KLHL24: variants seen among roughly 807,000 people sequenced by gnomAD.
The protein encoded by KLHL24 is kelch like family member 24, also known as kelch-like protein 24.
In KLHL24, 29 loss-of-function variants were observed where a neutral mutation model predicts 53.4. The ratio of observed to expected loss-of-function variants is 0.54; its 90% confidence interval spans 0.40 to 0.74. The LOEUF (loss-of-function observed/expected upper bound fraction) is 0.74. KLHL24 is among the 30% of genes least tolerant of loss of function. KLHL24 has a pLI of 0.00. For missense variants in KLHL24, 504 were observed against 744.0 expected, an observed-to-expected ratio of 0.68 and a Z score of 3.75; for synonymous variants, 222 against 253.7, an observed-to-expected ratio of 0.88 and a Z score of 1.19.
Position 183,663,438 on chromosome 3 carries a change from G to T in KLHL24, c.921-20G>T, listed in dbSNP as rs781485610. ...TAATATTATTATATTATTTATGTAC[G>T]CTAATAATTATTATTTTAGGTCCAC... On this transcript the variant is annotated intron_variant, in intron 3 of 7. Coordinates refer to ENST00000242810, the MANE Select transcript of KLHL24 (RefSeq NM_017644.3). This position sits in a 1 kb window ranked among gnomAD's most constrained non-coding sequence, Gnocchi z 4.9. 19 of 1,281,742 alleles carry T rather than the reference G, an allele frequency of 1.5e-5. No individual in the cohort carries two copies. In the East Asian group the frequency reaches 4.9e-4, roughly 33 times the overall value. The allele number at this position is 1,281,742 out of a possible 1,614,324, so 79.4% of individuals were successfully genotyped here.
chr3:183,643,228 C>T (rs1331086275), intron 1 of KLHL24: 1 of 151,794 alleles, frequency 6.6e-6, no homozygotes, highest in African/African-American at 2.4e-5. Context: ...AAAACTCAGT[C>T]TCAAAAAACA....
rs1239685397 is a variant in KLHL24 at position 183,663,439 on chromosome 3, CTAA to C, written c.921-14_921-12del. On this transcript the variant is annotated splice_polypyrimidine_tract_variant and intron_variant, in intron 3 of 7. Coordinates refer to ENST00000242810, the MANE Select transcript of KLHL24 (RefSeq NM_017644.3). The surrounding 1 kb of genome is among the most constrained non-coding windows in gnomAD (Gnocchi z 4.9). ...AATATTATTATATTATTTATGTACGCTAATAATTATTATTTTAGGTCCACTGGC... is the reference window on the plus strand; with the variant it reads ...AATATTATTATATTATTTATGTACGCTAATTATTATTTTAGGTCCACTGGC... The C allele has an allele frequency of 5.4e-6, 7 of 1,306,774 alleles. No individual in the cohort carries two copies. The highest frequency in any genetic ancestry group is 7.2e-6 in the Non-Finnish European group (7 of 967,778). The allele number at this position is 1,306,774 out of a possible 1,614,324, so 80.9% of individuals were successfully genotyped here. A position where few individuals can be genotyped will look rare whatever the true frequency, so the allele number is the denominator to read the frequency against.
chr3:183,667,383 C>G (rs990917021), intron 5 of KLHL24, among the ~76,000 whole-genome samples: 2 of 152,214 alleles, frequency 1.3e-5, no homozygotes, highest in African/African-American at 4.8e-5. Flanking sequence ...AGTCAGCGTT[C>G]TGTTAGGAAT....
intron 1 of KLHL24, among the ~76,000 whole-genome samples, chr3:183,636,978 A>C (rs1270459116): frequency 6.6e-6 from 1 of 151,970 alleles, no homozygotes; most frequent in Non-Finnish European, 1.5e-5. Flanking sequence ...ACACCCTTTA[A>C]CTAGTGTCGC....
chr3:183,655,060 G>C (rs759937294), intron 3 of KLHL24, among the ~76,000 whole-genome samples: 2 of 152,166 alleles, frequency 1.3e-5, no homozygotes, highest in Non-Finnish European at 2.9e-5. Flanking sequence ...CTCTATATCA[G>C]CCAGTGTTCC....
chr3:183,645,769 G>A (rs1454398098), intron 2 of KLHL24, among the ~76,000 whole-genome samples: 1 of 152,156 alleles, frequency 6.6e-6, no homozygotes, highest in Admixed American at 6.5e-5. Context: ...AATCTAGCTT[G>A]TTTGGACCAT....
chr3:183,667,574 T>C (rs1487989070), intron 5 of KLHL24, among the ~76,000 whole-genome samples: 1 of 151,958 alleles, frequency 6.6e-6, no homozygotes, highest in Non-Finnish European at 1.5e-5. Flanking sequence ...AACAGTTACA[T>C]CCCCAAACCA....
chr3:183,655,435 G>A (rs1718710328), intron 3 of KLHL24, among the ~76,000 whole-genome samples: 1 of 151,964 alleles, frequency 6.6e-6, no homozygotes, highest in African/African-American at 2.4e-5. Context: ...AGACCAGTCT[G>A]GGCAACATAA....
intron 5 of KLHL24, among the ~76,000 whole-genome samples, chr3:183,669,522 A>T (rs1721055937): frequency 6.6e-6 from 1 of 152,162 alleles, no homozygotes; most frequent in Non-Finnish European, 1.5e-5. Context: ...TAAGTTACTT[A>T]ACCTGTCTGA....
intron 2 of KLHL24, among the ~76,000 whole-genome samples, chr3:183,646,471 G>C (rs1012635180): frequency 6.6e-5 from 10 of 151,376 alleles, no homozygotes; most frequent in Admixed American, 6.6e-5. Flanking sequence ...CCATTTGACT[G>C]ATAAAATTGC....
intron 4 of KLHL24, 78 bp from the exon 5 acceptor site, chr3:183,664,835 CTTTACCTA>C: frequency 3.2e-6 from 2 of 621,418 alleles, no homozygotes; most frequent in Non-Finnish European, 5.5e-6. Context: ...TCCATGTTTT[CTTTACCTA>C]TGCCTTGGTG....
At chr3:183,667,646 A>G (rs960663673) in intron 5 of KLHL24, among the ~76,000 whole-genome samples, 3 of 152,028 alleles carry the variant, frequency 2.0e-5, no homozygotes, top group African/African-American at 7.2e-5. Flanking sequence ...ATTGTCTTCC[A>G]TTAAACCGCT....
chr3:183,648,474 C>T (rs1717649658), intron 2 of KLHL24, among the ~76,000 whole-genome samples: 1 of 149,172 alleles, frequency 6.7e-6, no homozygotes, highest in Non-Finnish European at 1.5e-5. Flanking sequence ...ATTATATTAT[C>T]TGTGACATCC....
chr3:183,656,296 T>C (rs946559771), intron 3 of KLHL24, among the ~76,000 whole-genome samples: 3 of 152,156 alleles, frequency 2.0e-5, no homozygotes, highest in African/African-American at 7.2e-5. Context: ...CCCAAAGTGC[T>C]AGGATTACAG....
intron 2 of KLHL24, among the ~76,000 whole-genome samples, chr3:183,646,232 T>C (rs988468618): frequency 6.6e-6 from 1 of 151,720 alleles, no homozygotes. Flanking sequence ...CATGGTGGCA[T>C]GTGCCTGTAG....
rs1476639017 is a variant in KLHL24, at chr3:183,681,142, ATCC to A, written c.*1859_*1861del. The A allele has an allele frequency of 1.4e-4, 22 of 152,124 alleles. No homozygotes were observed. The highest frequency in any genetic ancestry group is 7.2e-4 in the Admixed American group (11 of 15,272). 9.4% of individuals were successfully genotyped at this position (152,124 alleles called of 1,614,324 possible). A position where few individuals can be genotyped will look rare whatever the true frequency, so the allele number is the denominator to read the frequency against. On this transcript the variant is annotated 3_prime_UTR_variant, in exon 8 of 8. Transcript: ENST00000242810. The stretch of plus-strand genomic sequence containing the variant: ...ACAACAATTCAGAAAACAATTTTCT[ATCC>A]TCTTAGTTGAAAGAATGTAGGTACA...
At chr3:183,673,239 T>G (rs755608146) in intron 7 of KLHL24, among the ~76,000 whole-genome samples, 20 of 152,036 alleles carry the variant, frequency 1.3e-4, no homozygotes, top group Non-Finnish European at 2.4e-4. Flanking sequence ...ATAAAATATT[T>G]CATGTTTGCT....
intron 7 of KLHL24, among the ~76,000 whole-genome samples, chr3:183,675,753 T>G (rs1711726926): frequency 6.6e-6 from 1 of 150,424 alleles, no homozygotes; most frequent in Non-Finnish European, 1.5e-5. Flanking sequence ...GGTGACACAG[T>G]GAGACCCTGT....
At chr3:183,636,860 G>A (rs948298106) in intron 1 of KLHL24, among the ~76,000 whole-genome samples, 3 of 152,148 alleles carry the variant, frequency 2.0e-5, no homozygotes. Context: ...GCGGGCGGCT[G>A]GTAGCCTCGG....
Sources: gnomAD v4.1 joint callset for allele counts (sites outside exome capture counted in the v4.1 genomes callset) on GRCh38, gnomAD v4.1.1 for gene constraint, Gnocchi (gnomAD v3.1) non-coding constraint, MANE v1.5 for transcripts, NCBI Gene and HGNC (gene_info 2026-07-23, HGNC 2026-07-21) for gene names.